TMEM114: variants seen among roughly 807,000 people sequenced by gnomAD.
TMEM114 encodes the protein claudin-26.
A neutral mutation model predicts 6.2 loss-of-function variants in TMEM114; 6 were observed. The observed-to-expected ratio is 0.97, with a 90% CI of 0.53 to 1.91. The LOEUF (loss-of-function observed/expected upper bound fraction) is 1.91. TMEM114 is among the 40% of genes most tolerant of loss of function. The probability of loss-of-function intolerance (pLI) is 0.01; values close to 1 mark genes in which losing one functional copy is unlikely to be tolerated. For synonymous variants in TMEM114, 104 were observed against 73.0 expected, an observed-to-expected ratio of 1.42 and a Z score of -2.16; for missense variants, 218 against 158.3, an observed-to-expected ratio of 1.38 and a Z score of -2.02.
At chr16:8,529,462 T>C in the TMEM114 span, among the ~76,000 whole-genome samples, 2 of 152,134 alleles carry the variant, frequency 1.3e-5, no homozygotes, top group Non-Finnish European at 2.9e-5. Flanking sequence ...GAATTGAATA[T>C]CACATGGAGA....
At chr16:8,575,603 A>G (rs891914563) in intron 2 of TMEM114, among the ~76,000 whole-genome samples, 1 of 152,214 alleles carries the variant, frequency 6.6e-6, no homozygotes, top group Non-Finnish European at 1.5e-5. Context: ...TGTCAGCCCT[A>G]TCACTTCCAG....
intron 2 of TMEM114, among the ~76,000 whole-genome samples, chr16:8,561,205 A>G (rs185619240): frequency 1.7e-3 from 255 of 152,340 alleles, no homozygotes; most frequent in Non-Finnish European, 2.3e-3. Flanking sequence ...CTGTCTGTCC[A>G]GCCCTAGGGA....
At chr16:8,570,797 C>A (rs1476790561) in intron 3 of TMEM114, among the ~76,000 whole-genome samples, 1 of 152,078 alleles carries the variant, frequency 6.6e-6, no homozygotes, top group Non-Finnish European at 1.5e-5. Flanking sequence ...TAGCCACTGA[C>A]CAGTTACACA....
chr16:8,549,312 C>T (rs942396261), intron 2 of TMEM114, among the ~76,000 whole-genome samples: 4 of 151,290 alleles, frequency 2.6e-5, no homozygotes, highest in African/African-American at 9.7e-5. Context: ...CCAGCCTGGC[C>T]AACATGACAA....
Position 8,569,793 on chromosome 16 carries a change from T to A in TMEM114, c.652A>T (p.Arg218Trp), listed in dbSNP as rs1265103487. ...CAGGCTCATATGGCCTGGTCCTGCC[T>A]CCGTCTCAGGCTGAGCTCGCGGGCT... is the stretch of plus-strand genomic sequence containing the variant. Reference protein sequence around the residue: ...AAARELSLRRRQDQAI With the variant: ...AAARELSLRRWQDQAI The change falls in exon 4 of 4, where the codon AGG (arginine) becomes TGG (tryptophan). Residue 218 changes from arginine to tryptophan, a missense_variant. Coordinates refer to ENST00000620492, the MANE Select transcript of TMEM114 (RefSeq NM_001146336.2). The A allele has an allele frequency of 1.9e-6, 3 of 1,550,408 alleles. No homozygotes were observed. In the African/African-American group the frequency reaches 4.1e-5, roughly 21 times the overall value.
chr16:8,528,070 G>A, the TMEM114 span, among the ~76,000 whole-genome samples: 3 of 151,922 alleles, frequency 2.0e-5, no homozygotes, highest in African/African-American at 7.3e-5. Context: ...CACCATGCCC[G>A]GCTAAGTTTT....
chr16:8,554,791 T>C (rs1276706224), intron 2 of TMEM114, among the ~76,000 whole-genome samples: 7 of 152,200 alleles, frequency 4.6e-5, no homozygotes, highest in Admixed American at 1.3e-4. Flanking sequence ...CTGTAACTTA[T>C]GCAACGGCCA....
chr16:8,551,272 G>A (rs1413414923), intron 2 of TMEM114, among the ~76,000 whole-genome samples: 1 of 152,116 alleles, frequency 6.6e-6, no homozygotes, highest in Non-Finnish European at 1.5e-5. Flanking sequence ...TCCTGGAATG[G>A]CTGCAAGCAA....
intron 3 of TMEM114, among the ~76,000 whole-genome samples, chr16:8,571,086 T>G (rs907509712): frequency 2.0e-5 from 3 of 151,500 alleles, no homozygotes; most frequent in Non-Finnish European, 4.4e-5. Flanking sequence ...TTTTTTCCTC[T>G]GTGGATTCCA....
intron 2 of TMEM114, among the ~76,000 whole-genome samples, chr16:8,542,629 G>A (rs1359700061): frequency 6.6e-6 from 1 of 152,162 alleles, no homozygotes; most frequent in Non-Finnish European, 1.5e-5. Context: ...TTGGGGTGGG[G>A]GAGGCCAGCA....
intron 2 of TMEM114, among the ~76,000 whole-genome samples, chr16:8,584,492 C>G (rs200708750): frequency 4.0e-4 from 61 of 152,352 alleles, no homozygotes; most frequent in East Asian, 1.5e-3. Flanking sequence ...TCATTGAAAA[C>G]TTCTCTCTGT....
chr16:8,528,491 C>A, the TMEM114 span, among the ~76,000 whole-genome samples: 19 of 152,224 alleles, frequency 1.2e-4, no homozygotes, highest in South Asian at 4.2e-4. Context: ...ACCTCTCACA[C>A]CAAGGGGGAG....
intron 2 of TMEM114, among the ~76,000 whole-genome samples, chr16:8,585,758 G>A (rs1433883659): frequency 6.6e-6 from 1 of 152,098 alleles, no homozygotes; most frequent in Non-Finnish European, 1.5e-5. Context: ...ACTTCCGGAG[G>A]CCAGACACCA....
chr16:8,545,231 A>T (rs1272572181), intron 2 of TMEM114, among the ~76,000 whole-genome samples: 1 of 152,196 alleles, frequency 6.6e-6, no homozygotes, highest in African/African-American at 2.4e-5. Context: ...TGCATCCACG[A>T]GTCCAAGACC....
intron 2 of TMEM114, among the ~76,000 whole-genome samples, chr16:8,546,995 T>C (rs1900688097): frequency 6.6e-6 from 1 of 152,262 alleles, no homozygotes; most frequent in Non-Finnish European, 1.5e-5. Flanking sequence ...TAAAGGTATC[T>C]AAGCATTACA....
downstream of TMEM114, among the ~76,000 whole-genome samples, chr16:8,534,754 T>C (rs187879120): frequency 1.3e-4 from 20 of 152,328 alleles, no homozygotes; most frequent in South Asian, 6.2e-4. Flanking sequence ...ATGGTCAACA[T>C]TGAATTCATG....
chr16:8,569,563 G>A lies in TMEM114; in HGVS notation c.*210C>T. The A allele has an allele frequency of 7.0e-7, 1 of 1,418,564 alleles. No homozygotes were observed. The highest frequency in any genetic ancestry group is 1.6e-5 in the South Asian group (1 of 63,740). The allele number at this position is 1,418,564 out of a possible 1,614,324, so 87.9% of individuals were successfully genotyped here. A position where few individuals can be genotyped will look rare whatever the true frequency, so the allele number is the denominator to read the frequency against. On this transcript the variant is annotated 3_prime_UTR_variant, in exon 4 of 4. Coordinates refer to ENST00000620492, the MANE Select transcript of TMEM114 (RefSeq NM_001146336.2). ...TTGGCACTCCCTCGGGCTCCTCCAG[G>A]CCACACGGACACACACGGACATAAG...
chr16:8,550,115 C>G (rs1242796064), intron 2 of TMEM114, among the ~76,000 whole-genome samples: 1 of 152,168 alleles, frequency 6.6e-6, no homozygotes, highest in Admixed American at 6.5e-5. Flanking sequence ...AGATGAAGGC[C>G]AGAAGACTCA....
chr16:8,526,992 G>A, the TMEM114 span, among the ~76,000 whole-genome samples: 10 of 152,176 alleles, frequency 6.6e-5, no homozygotes, highest in East Asian at 9.6e-4. Context: ...TGGATCACCT[G>A]AGGTCAGGAG....
Sources: gnomAD v4.1 joint callset for allele counts (sites outside exome capture counted in the v4.1 genomes callset) on GRCh38, gnomAD v4.1.1 for gene constraint, MANE v1.5 for transcripts, NCBI Gene and HGNC (gene_info 2026-07-23, HGNC 2026-07-21) for gene names.